The following HDAC9 variants were observed in gnomAD, a reference collection of about 807,000 sequenced individuals.
HDAC9 encodes histone deacetylase 9.
In HDAC9, 41 loss-of-function variants were observed where a neutral mutation model predicts 139.4. The ratio of observed to expected loss-of-function variants is 0.29; its 90% CI spans 0.23 to 0.38. The LOEUF is 0.38. HDAC9 is among the 10% of genes least tolerant of loss of function. The pLI is 1.00. For synonymous variants in HDAC9, 517 were observed against 476.2 expected (o/e 1.09, Z -1.12); for missense variants, 1,147 against 1,297.0 (o/e 0.88, Z 1.78).
At chr7:18,335,239 A>G (rs1781498718) in intron 1 of HDAC9, among the ~76,000 whole-genome samples, 1 of 151,584 alleles carries the variant, frequency 6.6e-6, no homozygotes, top group South Asian at 2.1e-4. Flanking sequence ...TGGAAATTGG[A>G]AGAAATACAT....
intron 22 of HDAC9, chr7:18,892,197 C>G (rs756940557): frequency 2.6e-4 from 40 of 152,102 alleles, no homozygotes; most frequent in Non-Finnish European, 5.1e-4. Context: ...TGTCTTCAGT[C>G]GTCATCTGGA....
At chr7:18,549,516 C>T (rs372134710) in intron 2 of HDAC9, among the ~76,000 whole-genome samples, 7 of 152,106 alleles carry the variant, frequency 4.6e-5, no homozygotes, top group Non-Finnish European at 7.4e-5. Flanking sequence ...CTTGGATGGA[C>T]CTCTAGGGCA....
chr7:18,432,334 A>G (rs1790753322), intron 1 of HDAC9, among the ~76,000 whole-genome samples: 1 of 152,160 alleles, frequency 6.6e-6, no homozygotes, highest in Non-Finnish European at 1.5e-5. Context: ...GTTTCTTCTA[A>G]TAGATTGTGA....
chr7:18,301,154 T>G (rs1451032236), intron 1 of HDAC9, among the ~76,000 whole-genome samples: 1 of 152,184 alleles, frequency 6.6e-6, no homozygotes, highest in Non-Finnish European at 1.5e-5. Flanking sequence ...ATACTCATTT[T>G]GTGTGAAATT....
At chr7:18,647,322 CAT>C (rs1442727790) in intron 9 of HDAC9, among the ~76,000 whole-genome samples, 1 of 152,094 alleles carries the variant, frequency 6.6e-6, no homozygotes, top group Non-Finnish European at 1.5e-5. Flanking sequence ...AATGATTTGA[CAT>C]ATGTATACAT....
At chr7:18,813,922 T>G (rs1019215014) in intron 17 of HDAC9, among the ~76,000 whole-genome samples, 34 of 152,310 alleles carry the variant, frequency 2.2e-4, no homozygotes, top group Non-Finnish European at 7.4e-5. Context: ...TCCATTTCCT[T>G]CTAGGATGTT....
rs537373357 is a variant in HDAC9, at chr7:18,279,208, CAG to C, written c.25+116860_25+116861del. 2.1e-4 allele frequency among the ~76,000 whole-genome samples: 32 copies of C among 151,796 alleles called. No homozygotes were observed. In the South Asian group the frequency reaches 6.2e-3, roughly 30 times the overall value. ...TACTTGACACAACACAAGGAGATGG[CAG>C]TGTGCTTTCCGACTTTCAGATTTTT... On this transcript the variant is annotated intron_variant, in intron 2 of 12. Coordinates refer to the HDAC9 transcript ENST00000417496.
At chr7:18,384,753 G>C (rs772651902) in intron 1 of HDAC9, among the ~76,000 whole-genome samples, 3 of 151,066 alleles carry the variant, frequency 2.0e-5, no homozygotes, top group Non-Finnish European at 4.4e-5. Flanking sequence ...TTGATGTCAG[G>C]ATTGGGGAGA....
chr7:18,650,661 C>T (rs952746502), intron 11 of HDAC9, among the ~76,000 whole-genome samples: 1 of 152,134 alleles, frequency 6.6e-6, no homozygotes, highest in Non-Finnish European at 1.5e-5. Flanking sequence ...TTATCAGAGA[C>T]CTTTTCCCAT....
At chr7:18,250,202 T>C (rs898519855) in intron 2 of HDAC9, among the ~76,000 whole-genome samples, 1 of 152,170 alleles carries the variant, frequency 6.6e-6, no homozygotes, top group South Asian at 2.1e-4. Context: ...CCATGTAAGA[T>C]AGATGAAGCA....
intron 1 of HDAC9, among the ~76,000 whole-genome samples, chr7:18,128,058 C>T (rs978322104): frequency 5.3e-5 from 8 of 152,160 alleles, no homozygotes; most frequent in South Asian, 2.1e-4. Flanking sequence ...GGAAAAGTTA[C>T]GGTTCTCAGT....
At chr7:18,172,959 T>A (rs1562706106) in intron 2 of HDAC9, among the ~76,000 whole-genome samples, 1 of 152,222 alleles carries the variant, frequency 6.6e-6, no homozygotes, top group African/African-American at 2.4e-5. Context: ...TCTAGCTGTC[T>A]ATTAGGTCTG....
chr7:18,402,075 A>T (rs2128734915), intron 1 of HDAC9, among the ~76,000 whole-genome samples: 1 of 152,296 alleles, frequency 6.6e-6, no homozygotes, highest in Admixed American at 6.5e-5. Context: ...CTTTTTGAGA[A>T]AGGAAACAAC....
At chr7:18,333,452 C>T (rs993887435) in intron 1 of HDAC9, among the ~76,000 whole-genome samples, 11 of 151,480 alleles carry the variant, frequency 7.3e-5, no homozygotes, top group African/African-American at 2.7e-4. Context: ...TAGCTATGTT[C>T]ATCTGCTTCA....
At chr7:18,090,760 C>T (rs916472298) in intron 1 of HDAC9, among the ~76,000 whole-genome samples, 25 of 151,932 alleles carry the variant, frequency 1.6e-4, no homozygotes, top group Non-Finnish European at 3.2e-4. Context: ...CTTCTTTGGC[C>T]GAACTTACAG....
intron 22 of HDAC9, among the ~76,000 whole-genome samples, chr7:18,883,287 T>C (rs1229992129): frequency 6.6e-6 from 1 of 152,046 alleles, no homozygotes; most frequent in Non-Finnish European, 1.5e-5. Flanking sequence ...AAAAAACGTC[T>C]CAACAAAATA....
At chr7:18,743,422 A>T (rs1787634251) in intron 13 of HDAC9, among the ~76,000 whole-genome samples, 1 of 152,224 alleles carries the variant, frequency 6.6e-6, no homozygotes, top group South Asian at 2.1e-4. Context: ...GATACAATTT[A>T]TCAATTTTTT....
At chr7:18,955,670 G>T (rs1203328695) in intron 24 of HDAC9, among the ~76,000 whole-genome samples, 2 of 152,098 alleles carry the variant, frequency 1.3e-5, no homozygotes, top group Non-Finnish European at 2.9e-5. Flanking sequence ...CAATGAGTGA[G>T]AGACAACCAA....
intron 1 of HDAC9, among the ~76,000 whole-genome samples, chr7:18,110,128 T>A (rs1783510597): frequency 6.6e-6 from 1 of 152,028 alleles, no homozygotes. Context: ...TCAAGGTGAG[T>A]GGTTTTAAAA....
Sources: allele counts gnomAD v4.1 joint callset (sites outside exome capture counted in the v4.1 genomes callset), GRCh38; gene constraint gnomAD v4.1.1; transcripts MANE v1.5; gene names NCBI Gene and HGNC (gene_info 2026-07-23, HGNC 2026-07-21).